Variants in PRR7 observed in about 807,000 individuals in gnomAD.
PRR7 encodes the protein proline rich 7, synaptic, also known as proline-rich protein 7.
A neutral mutation model predicts 18.5 loss-of-function variants in PRR7; 8 were observed. That is an observed-to-expected ratio of 0.43 (90% CI 0.25 to 0.78). PRR7 has a LOEUF of 0.78. Ranked by LOEUF, PRR7 falls within the 30% of genes least tolerant of loss-of-function variation. PRR7 has a pLI of 0.22. For missense variants in PRR7, 396 were observed against 403.1 expected, an observed-to-expected ratio of 0.98 and a Z score of 0.15; for synonymous variants, 221 against 187.7, an observed-to-expected ratio of 1.18 and a Z score of -1.45.
intron 1 of PRR7, among the ~76,000 whole-genome samples, chr5:177,448,798 C>G (rs886611703): frequency 4.6e-5 from 7 of 152,378 alleles, no homozygotes; most frequent in Admixed American, 3.3e-4. Context: ...CTGCCTCAGT[C>G]CCCTGGGAAA....
chr5:177,447,434 A>C (rs890923604), intron 1 of PRR7, among the ~76,000 whole-genome samples: 28 of 152,232 alleles, frequency 1.8e-4, no homozygotes, highest in African/African-American at 5.5e-4. Flanking sequence ...ACGTGGCTGC[A>C]GTCGTCGCAG....
chr5:177,455,272 C>A lies in PRR7; in HGVS notation c.205C>A (p.Pro69Thr). The A allele has an allele frequency of 6.6e-7, 1 of 1,522,906 alleles. No homozygotes were observed. Among genetic ancestry groups the A allele is most frequent in the Non-Finnish European group, 8.7e-7 (1 of 1,143,852 alleles). 94.3% of individuals were successfully genotyped at this position (1,522,906 alleles called of 1,614,324 possible). A position where few individuals can be genotyped will look rare whatever the true frequency, so the allele number is the denominator to read the frequency against. The change falls in exon 3 of 4, where the codon CCC (proline) becomes ACC (threonine). Residue 69 changes from proline to threonine, a missense_variant. By Grantham distance (38) the Pro-to-Thr change is conservative. Coordinates refer to ENST00000323249, the MANE Select transcript of PRR7 (RefSeq NM_030567.5). This position sits in a 1 kb window ranked among gnomAD's most constrained non-coding sequence, Gnocchi z 6.9. Reference sequence around the variant, plus strand: ...ACTCGAGGGCAGTCTGGCCGGGAGCCCCCCGGGCCTGGCGCCGCCGCAGCC... The same window carrying A: ...ACTCGAGGGCAGTCTGGCCGGGAGCACCCCGGGCCTGGCGCCGCCGCAGCC... Reference protein sequence around the residue: ...LELEGSLAGSPPGLAPPQPPP... With the variant: ...LELEGSLAGSTPGLAPPQPPP...
Position 177,456,230 on chromosome 5 carries a change from T to A in PRR7, c.*109T>A, listed in dbSNP as rs958420849. On this transcript the variant is annotated 3_prime_UTR_variant, in exon 4 of 4. Coordinates refer to ENST00000323249, the MANE Select transcript of PRR7 (RefSeq NM_030567.5). ...AGGGGCGGGGGGAGGGAGGGATTTC[T>A]TATCCCGTTTGTTACATTTTGAGGA... 4.6e-6 allele frequency: 5 copies of A among 1,084,704 alleles called. No homozygotes were observed. Among genetic ancestry groups the A allele is most frequent in the African/African-American group, 3.4e-5 (2 of 59,660 alleles). The allele number at this position is 1,084,704 out of a possible 1,614,324, so 67.2% of individuals were successfully genotyped here.
rs1756444226 is a variant in PRR7 at position 177,456,216 on chromosome 5, G to T, written c.*95G>T. 4.8e-6 allele frequency: 2 copies of T among 417,096 alleles called. No individual in the cohort carries two copies. Among genetic ancestry groups the T allele is most frequent in the East Asian group, 5.4e-5 (1 of 18,556 alleles). 25.8% of individuals were successfully genotyped at this position (417,096 alleles called of 1,614,324 possible). A position where few individuals can be genotyped will look rare whatever the true frequency, so the allele number is the denominator to read the frequency against. ...CCTGGACTGCGGGGAGGGGCGGGGG[G>T]AGGGAGGGATTTCTTATCCCGTTTG... On this transcript the variant is annotated 3_prime_UTR_variant, in exon 4 of 4. Transcript: ENST00000323249.
rs1194573479 is a variant in PRR7 at position 177,456,261 on chromosome 5, A to C, written c.*140A>C. ...CGTTTGTTACATTTTGAGGATAATA[A>C]AGGTGTGTGATCTGGTTTGGTACAA... On this transcript the variant is annotated 3_prime_UTR_variant, in exon 4 of 4. Coordinates refer to ENST00000323249, the MANE Select transcript of PRR7 (RefSeq NM_030567.5). 17 of 1,091,316 alleles carry C rather than the reference A, an allele frequency of 1.6e-5. No homozygotes were observed. The highest frequency in any genetic ancestry group is 1.9e-5 in the Non-Finnish European group (15 of 807,414). 67.6% of individuals were successfully genotyped at this position (1,091,316 alleles called of 1,614,324 possible).
In PRR7 at chr5:177,456,143, C is replaced by T; in HGVS notation, c.*22C>T. 1 of 1,421,316 alleles carries T rather than the reference C, an allele frequency of 7.0e-7. No homozygotes were observed. The highest frequency in any genetic ancestry group is 9.1e-7 in the Non-Finnish European group (1 of 1,094,632). 88.0% of individuals were successfully genotyped at this position (1,421,316 alleles called of 1,614,324 possible). A position where few individuals can be genotyped will look rare whatever the true frequency, so the allele number is the denominator to read the frequency against. ...ATAGAGGGGCGCCCGGCGCCCCGGGCCCCACCGGCGGACTCCTGGCCTGAC... is the reference window on the plus strand; with the variant it reads ...ATAGAGGGGCGCCCGGCGCCCCGGGTCCCACCGGCGGACTCCTGGCCTGAC... On this transcript the variant is annotated 3_prime_UTR_variant, in exon 4 of 4. Coordinates refer to ENST00000323249, the MANE Select transcript of PRR7 (RefSeq NM_030567.5).
At position 177,455,632 on chromosome 5, in the gene PRR7, AGGGCTG is replaced by A. The variant is rs1350633160; in HGVS notation, c.428-87_428-82del. ...GCGGCGGCGGGCTCGGGTTCGGGCT[AGGGCTG>A]GGGCGCGGGCGGCCCCTGGCCGGGG... On this transcript the variant is annotated intron_variant, in intron 3 of 3. Coordinates refer to ENST00000323249, the MANE Select transcript of PRR7 (RefSeq NM_030567.5). The surrounding 1 kb of genome is among the most constrained non-coding windows in gnomAD (Gnocchi z 6.9). 8 of 1,416,782 alleles carry A rather than the reference AGGGCTG, an allele frequency of 5.6e-6. No individual in the cohort carries two copies. The highest frequency in any genetic ancestry group is 7.4e-6 in the Non-Finnish European group (8 of 1,083,464). The allele number at this position is 1,416,782 out of a possible 1,614,324, so 87.8% of individuals were successfully genotyped here.
At position 177,455,343 on chromosome 5, in the gene PRR7, G is replaced by A; in HGVS notation, c.276G>A (p.Ser92=). Residue 92 remains serine, a synonymous_variant, in exon 3 of 4, where the codon TCG becomes TCA. Coordinates refer to ENST00000323249, the MANE Select transcript of PRR7 (RefSeq NM_030567.5). The surrounding 1 kb of genome is among the most constrained non-coding windows in gnomAD (Gnocchi z 6.9). Reference sequence around the variant, plus strand: ...TGGAGGCGCCGGCTCACGCGCACTCGCATCCGCACGTGCACGTGCACCCGC... The same window carrying A: ...TGGAGGCGCCGGCTCACGCGCACTCACATCCGCACGTGCACGTGCACCCGC... ...SRLEAPAHAH[S]HPHVHVHPLL... is the part of the protein sequence containing the mutation. The A allele has an allele frequency of 3.4e-6, 5 of 1,489,542 alleles. No homozygotes were observed. The highest frequency in any genetic ancestry group is 2.8e-5 in the East Asian group (1 of 35,636). The allele number at this position is 1,489,542 out of a possible 1,614,324, so 92.3% of individuals were successfully genotyped here. A position where few individuals can be genotyped will look rare whatever the true frequency, so the allele number is the denominator to read the frequency against.
Position 177,453,484 on chromosome 5 carries a change from C to T in PRR7, c.-324-472C>T, listed in dbSNP as rs553468250. On this transcript the variant is annotated intron_variant, in intron 1 of 3. Transcript: ENST00000323249. ...CCCAGGAGAAGGGGACTGGCAAGGG[C>T]ACCAAGTGGCACGTGGCTGAAGGCA... Among the ~76,000 whole-genome samples, 15 of 152,312 alleles carry T rather than the reference C, an allele frequency of 9.8e-5. No individual in the cohort carries two copies. In the East Asian group the frequency reaches 2.9e-3, roughly 29 times the overall value.
Position 177,455,468 on chromosome 5 carries a change from C to T in PRR7, c.401C>T (p.Pro134Leu). ...HPPPTHLSVPPRPWSYPRQAE... is the reference protein window; with the variant it reads ...HPPPTHLSVPLRPWSYPRQAE... ...CCGCCTACGCACCTGTCGGTGCCGC[C>T]ACGGCCCTGGAGCTACCCGCGCCAA... Residue 134 changes from proline to leucine, a missense_variant, in exon 3 of 4, where the codon CCA becomes CTA. Coordinates refer to ENST00000323249, the MANE Select transcript of PRR7 (RefSeq NM_030567.5). This position sits in a 1 kb window ranked among gnomAD's most constrained non-coding sequence, Gnocchi z 6.9. The T allele has an allele frequency of 1.3e-6, 2 of 1,506,534 alleles. No individual in the cohort carries two copies. The highest frequency in any genetic ancestry group is 5.4e-5 in the East Asian group (2 of 36,948). The allele number at this position is 1,506,534 out of a possible 1,614,324, so 93.3% of individuals were successfully genotyped here.
Position 177,447,384 on chromosome 5 carries a change from G to T in PRR7, c.-325+424G>T, listed in dbSNP as rs1038085216. Among the ~76,000 whole-genome samples, 4 of 152,280 alleles carry T rather than the reference G, an allele frequency of 2.6e-5. No homozygotes were observed. The East Asian group carries it at 7.7e-4, about 29-fold the overall frequency. On this transcript the variant is annotated intron_variant, in intron 1 of 3. Coordinates refer to ENST00000323249, the MANE Select transcript of PRR7 (RefSeq NM_030567.5). ...CCTGCCTCCACAGCCCGTCGAGGGTGGGGGTGGGGGCGAACGGCCGTGGGC... is the reference window on the plus strand; with the variant it reads ...CCTGCCTCCACAGCCCGTCGAGGGTTGGGGTGGGGGCGAACGGCCGTGGGC...
In PRR7 at chr5:177,454,428, G is replaced by A. The variant is rs550280464; in HGVS notation, c.-240+388G>A. 8.8e-4 allele frequency among the ~76,000 whole-genome samples: 134 copies of A among 152,296 alleles called. No individual in the cohort carries two copies. Among genetic ancestry groups the A allele is most frequent in the African/African-American group, 3.2e-3 (132 of 41,576 alleles). On this transcript the variant is annotated intron_variant, in intron 2 of 3. Transcript: ENST00000323249. This position sits in a 1 kb window ranked among gnomAD's most constrained non-coding sequence, Gnocchi z 4.7. ...GGCTGTCTGTGGGGCTCTAGGAGAT[G>A]TACCACCCTTTCCCCGCCGCACAGC...
In PRR7 at chr5:177,455,525, C is replaced by A. The variant is rs774279885; in HGVS notation, c.427+31C>A. 10 of 1,449,926 alleles carry A rather than the reference C, an allele frequency of 6.9e-6. No individual in the cohort carries two copies. In the South Asian group the frequency reaches 1.1e-4, roughly 16 times the overall value. 89.8% of individuals were successfully genotyped at this position (1,449,926 alleles called of 1,614,324 possible). On this transcript the variant is annotated intron_variant, in intron 3 of 3. Transcript: ENST00000323249. The surrounding 1 kb of genome is among the most constrained non-coding windows in gnomAD (Gnocchi z 6.9). ...TACCGACCTCCGCCAGGGGGCGATC[C>A]GGGCCGCCGGAAGTGGGCGGGCGTT...
Position 177,455,887 on chromosome 5 carries a change from G to A in PRR7, c.591G>A (p.Pro197=), listed in dbSNP as rs749563663. 2 of 1,610,220 alleles carry A rather than the reference G, an allele frequency of 1.2e-6. No individual in the cohort carries two copies. Among genetic ancestry groups the A allele is most frequent in the Non-Finnish European group, 1.7e-6 (2 of 1,179,502 alleles). Reference sequence around the variant, plus strand: ...ACAGCGCGGAGAAGCAGGAGCAGCCGCCTCCCAGCTACAAGCCGCTCTTCC... The same window carrying A: ...ACAGCGCGGAGAAGCAGGAGCAGCCACCTCCCAGCTACAAGCCGCTCTTCC... ...RRDSAEKQEQ[P]PPSYKPLFLD... Residue 197 remains proline, a synonymous_variant, in exon 4 of 4, where the codon CCG becomes CCA. Transcript: ENST00000323249. This position sits in a 1 kb window ranked among gnomAD's most constrained non-coding sequence, Gnocchi z 6.9.
At chr5:177,452,916 T>C (rs1384662775) in intron 1 of PRR7, among the ~76,000 whole-genome samples, 3 of 152,210 alleles carry the variant, frequency 2.0e-5, no homozygotes, top group Admixed American at 2.0e-4. Context: ...TGATCAGGCA[T>C]GCCAGGGCCC....
In PRR7 at chr5:177,447,185, T is replaced by G. The variant is rs190195538; in HGVS notation, c.-325+225T>G. Among the ~76,000 whole-genome samples, 968 of 152,106 alleles carry G rather than the reference T, an allele frequency of 6.4e-3. 7 individuals carry two copies. Among genetic ancestry groups the G allele is most frequent in the Non-Finnish European group, 0.012 (782 of 67,936 alleles). ...GGGGCGCGAGCCGCCACCAGTTCGC[T>G]TGGAAACGGTTGCCACAGCAACGGG... On this transcript the variant is annotated intron_variant, in intron 1 of 3. Transcript: ENST00000323249.
rs1561669839 is a variant in PRR7 at position 177,454,049 on chromosome 5, G to A, written c.-240+9G>A. 1 of 152,324 alleles carries A rather than the reference G, an allele frequency of 6.6e-6. No individual in the cohort carries two copies. Among genetic ancestry groups the A allele is most frequent in the Non-Finnish European group, 1.5e-5 (1 of 68,104 alleles). The allele number at this position is 152,324 out of a possible 1,614,324, so 9.4% of individuals were successfully genotyped here. On this transcript the variant is annotated intron_variant, in intron 2 of 3. Transcript: ENST00000323249. The surrounding 1 kb of genome is among the most constrained non-coding windows in gnomAD (Gnocchi z 4.7). ...AGTGAGTGCAGGACCAGGTGGGTACGAAAGACTAGCTTCCAACCCTCATCT... is the reference window on the plus strand; with the variant it reads ...AGTGAGTGCAGGACCAGGTGGGTACAAAAGACTAGCTTCCAACCCTCATCT...
rs1756321208 is a variant in PRR7 at position 177,454,755 on chromosome 5, A to C, written c.-239-74A>C. The stretch of plus-strand genomic sequence containing the variant: ...GGAGGAGGCTTTCCCCGGACTGCGC[A>C]GGGCGCGGGCGGGGGCCGGGAAGTC... On this transcript the variant is annotated intron_variant, in intron 2 of 3. Transcript: ENST00000323249. This position sits in a 1 kb window ranked among gnomAD's most constrained non-coding sequence, Gnocchi z 4.7. 1 of 163,420 alleles carries C rather than the reference A, an allele frequency of 6.1e-6. No homozygotes were observed. Among genetic ancestry groups the C allele is most frequent in the African/African-American group, 2.4e-5 (1 of 41,736 alleles). The allele number at this position is 163,420 out of a possible 1,614,324, so 10.1% of individuals were successfully genotyped here. A position where few individuals can be genotyped will look rare whatever the true frequency, so the allele number is the denominator to read the frequency against.
In PRR7 at chr5:177,454,172, G is replaced by C. The variant is rs1435148538; in HGVS notation, c.-240+132G>C. ...TGCAAGGGCAGGAGGCGGGGAAGCG[G>C]AGTTGGAGCAGGCAGGGCGCCTGGA... On this transcript the variant is annotated intron_variant, in intron 2 of 3. Transcript: ENST00000323249. This position sits in a 1 kb window ranked among gnomAD's most constrained non-coding sequence, Gnocchi z 4.7. 2 of 152,806 alleles carry C rather than the reference G, an allele frequency of 1.3e-5. No homozygotes were observed. Among genetic ancestry groups the C allele is most frequent in the Non-Finnish European group, 2.9e-5 (2 of 68,464 alleles). The allele number at this position is 152,806 out of a possible 1,614,324, so 9.5% of individuals were successfully genotyped here. A position where few individuals can be genotyped will look rare whatever the true frequency, so the allele number is the denominator to read the frequency against.
Sources: allele counts gnomAD v4.1 joint callset (sites outside exome capture counted in the v4.1 genomes callset), GRCh38; gene constraint gnomAD v4.1.1; non-coding constraint Gnocchi (gnomAD v3.1); transcripts MANE v1.5; gene names NCBI Gene and HGNC (gene_info 2026-07-23, HGNC 2026-07-21).